Variants in ABHD2 observed in about 807,000 individuals in gnomAD.
ABHD2 encodes monoacylglycerol lipase ABHD2.
In ABHD2, 20 loss-of-function variants were observed where a neutral mutation model predicts 48.1. The observed-to-expected ratio is 0.42, with a 90% confidence interval of 0.29 to 0.60. The LOEUF (loss-of-function observed/expected upper bound fraction) is 0.60, where lower values mean the gene tolerates loss of function less well. Among genes scored for constraint, ABHD2 ranks in the 20% least tolerant of loss-of-function variants. The probability of loss-of-function intolerance (pLI) is 0.24; values close to 1 mark genes in which losing one functional copy is unlikely to be tolerated. For missense variants in ABHD2, 405 were observed against 550.9 expected, an observed-to-expected ratio of 0.74 and a Z score of 2.65; for synonymous variants, 209 against 214.2, an observed-to-expected ratio of 0.98 and a Z score of 0.21.
At chr15:89,050,231 C>A in the ABHD2 span, among the ~76,000 whole-genome samples, 30 of 152,216 alleles carry the variant, frequency 2.0e-4, no homozygotes, top group East Asian at 2.5e-3. Context: ...ACACATGAAC[C>A]CAGAGAAGGA....
chr15:89,042,503 T>G, the ABHD2 span, among the ~76,000 whole-genome samples: 2 of 152,298 alleles, frequency 1.3e-5, no homozygotes, highest in East Asian at 1.9e-4. Context: ...ACCTCCTCCA[T>G]GAAGATTTCC....
At chr15:89,078,726 TTTTTTTTTTTC>T in the ABHD2 span, among the ~76,000 whole-genome samples, 3 of 16,560 alleles carry the variant, frequency 1.8e-4, no homozygotes, top group Middle Eastern at 0.023. Context: ...CAATGTAGGC[TTTTTTTTTTTC>T]TTTTTTTTTT....
In ABHD2 at chr15:89,175,936, G is replaced by C. The variant is rs1460984155; in HGVS notation, c.663G>C (p.Gln221His). ...NIVCKYLGET[Q>H]ANQEKVLCCV... is the part of the protein sequence containing the mutation. ...TGTGCAAATACTTGGGGGAGACTCA[G>C]GCAAACCAAGAGAAGGTCCTGTGCT... The change falls in exon 6 of 11, where the codon CAG becomes CAC. Residue 221 changes from glutamine to histidine, a missense_variant. Gln to His is a conservative substitution (Grantham distance 24, BLOSUM62 0). Transcript: ENST00000352732. This position sits in a 1 kb window ranked among gnomAD's most constrained non-coding sequence, Gnocchi z 5.7. The C allele has an allele frequency of 6.2e-7, 1 of 1,613,972 alleles. No homozygotes were observed. Among genetic ancestry groups the C allele is most frequent in the Admixed American group, 1.7e-5 (1 of 59,990 alleles).
At chr15:89,089,100 T>G (rs373841569) in intron 1 of ABHD2, among the ~76,000 whole-genome samples, 1 of 152,248 alleles carries the variant, frequency 6.6e-6, no homozygotes. Context: ...CGACCGGCAC[T>G]GTTCTAGGCC....
intron 3 of ABHD2, among the ~76,000 whole-genome samples, chr15:89,144,410 G>A (rs1297429316): frequency 6.6e-6 from 1 of 152,196 alleles, no homozygotes; most frequent in African/African-American, 2.4e-5. Flanking sequence ...TGGGGTTACA[G>A]GCGTGAGCCA....
chr15:89,162,161 G>A (rs2050772378), intron 5 of ABHD2, among the ~76,000 whole-genome samples: 2 of 152,152 alleles, frequency 1.3e-5, no homozygotes, highest in African/African-American at 4.8e-5. Flanking sequence ...TTCAGCATAT[G>A]AATCTTGGGA....
chr15:89,062,959 T>C, the ABHD2 span, among the ~76,000 whole-genome samples: 8 of 151,442 alleles, frequency 5.3e-5, no homozygotes, highest in African/African-American at 1.7e-4. Flanking sequence ...CAGTCACAAT[T>C]GCTGCTGCTT....
chr15:89,194,246 C>G (rs2051355691), intron 10 of ABHD2, among the ~76,000 whole-genome samples: 1 of 152,072 alleles, frequency 6.6e-6, no homozygotes, highest in South Asian at 2.1e-4. Flanking sequence ...GCCTATAAAT[C>G]CCAGCACTTT....
intron 5 of ABHD2, among the ~76,000 whole-genome samples, chr15:89,170,711 G>A (rs745708904): frequency 9.2e-5 from 14 of 152,190 alleles, no homozygotes; most frequent in Non-Finnish European, 2.1e-4. Context: ...CTGGGTATTG[G>A]CAAACTTCAT....
intron 1 of ABHD2, among the ~76,000 whole-genome samples, chr15:89,105,834 A>AGGT (rs571152771): frequency 1.3e-4 from 19 of 151,652 alleles, no homozygotes; most frequent in Middle Eastern, 3.4e-3. Context: ...TTCTGGCTTG[A>AGGT]GGTGGTGGTG....
chr15:89,144,598 C>CA, intron 3 of ABHD2, among the ~76,000 whole-genome samples: 1 of 152,282 alleles, frequency 6.6e-6, no homozygotes, highest in African/African-American at 2.4e-5. Context: ...CAAAAGGTCA[C>CA]ATGTTGATAA....
chr15:89,103,056 A>G (rs572770379), intron 1 of ABHD2, among the ~76,000 whole-genome samples: 6 of 152,342 alleles, frequency 3.9e-5, no homozygotes, highest in Non-Finnish European at 7.3e-5. Flanking sequence ...TGAAAAAGCA[A>G]TCCACTGAGC....
rs755311584 is a variant in ABHD2, at chr15:89,177,776, C to T, written c.722+1781C>T. Among the ~76,000 whole-genome samples the T allele has an allele frequency of 6.6e-6, 1 of 152,124 alleles. No individual in the cohort carries two copies. The highest frequency in any genetic ancestry group is 1.5e-5 in the Non-Finnish European group (1 of 68,012). The stretch of plus-strand genomic sequence containing the variant: ...AGAATTAACCAAAGTCCTGTCGGGC[C>T]CAGTCACTGGGATAAGAAAGACATG... On this transcript the variant is annotated intron_variant, in intron 6 of 10. Transcript: ENST00000352732. The surrounding 1 kb of genome is among the most constrained non-coding windows in gnomAD (Gnocchi z 5.6).
At chr15:89,087,936 T>A (rs995957736), upstream of ABHD2, 2 of 152,030 alleles carry the variant, frequency 1.3e-5, no homozygotes, top group Admixed American at 1.3e-4. The surrounding 1 kb of genome is among the most constrained non-coding windows in gnomAD (Gnocchi z 5.5). Context: ...ACCTCAAATT[T>A]CACCCCTGCG....
chr15:89,158,335 C>A (rs2050707756), intron 5 of ABHD2, among the ~76,000 whole-genome samples: 1 of 152,214 alleles, frequency 6.6e-6, no homozygotes, highest in African/African-American at 2.4e-5. Flanking sequence ...TCAGAGATAG[C>A]AGAGTAACTG....
In ABHD2 at chr15:89,189,777, G is replaced by A. The variant is rs181249189; in HGVS notation, c.927-1303G>A. On this transcript the variant is annotated intron_variant, in intron 8 of 10. Transcript: ENST00000352732. The surrounding 1 kb of genome is among the most constrained non-coding windows in gnomAD (Gnocchi z 4.9). Reference sequence around the variant, plus strand: ...CAGATGAAGTGTGTGACTGTATTGCGGTGTGTGGTAAGAAAAAACAAATTA... The same window carrying A: ...CAGATGAAGTGTGTGACTGTATTGCAGTGTGTGGTAAGAAAAAACAAATTA... 1.3e-4 allele frequency among the ~76,000 whole-genome samples: 20 copies of A among 150,468 alleles called. No individual in the cohort carries two copies. The highest frequency in any genetic ancestry group is 3.4e-3 in the Middle Eastern group (1 of 294).
chr15:89,053,683 G>A, the ABHD2 span, among the ~76,000 whole-genome samples: 3 of 152,202 alleles, frequency 2.0e-5, no homozygotes, highest in Non-Finnish European at 4.4e-5. Context: ...ATGGAGACAG[G>A]CTTTGGGAGC....
In ABHD2 at chr15:89,116,799, G is replaced by A. The variant is rs1231794338; in HGVS notation, c.194+278G>A. On this transcript the variant is annotated intron_variant, in intron 3 of 10. Transcript: ENST00000352732. The surrounding 1 kb of genome is among the most constrained non-coding windows in gnomAD (Gnocchi z 4.6). ...AGAAAATAGTAGTCATTTTTAGGCA[G>A]ATATGGAAAAGTTGGACAATATTCT... 6.6e-6 allele frequency among the ~76,000 whole-genome samples: 1 copy of A among 152,202 alleles called. No homozygotes were observed. The highest frequency in any genetic ancestry group is 6.5e-5 in the Admixed American group (1 of 15,286).
At chr15:89,095,291 G>A (rs2049595659) in intron 1 of ABHD2, among the ~76,000 whole-genome samples, 1 of 152,148 alleles carries the variant, frequency 6.6e-6, no homozygotes, top group Non-Finnish European at 1.5e-5. Flanking sequence ...CTTTTTCTGG[G>A]AAATCAGGCC....
Sources: gnomAD v4.1 joint callset for allele counts (sites outside exome capture counted in the v4.1 genomes callset) on GRCh38, gnomAD v4.1.1 for gene constraint, Gnocchi (gnomAD v3.1) non-coding constraint, MANE v1.5 for transcripts, NCBI Gene and HGNC (gene_info 2026-07-23, HGNC 2026-07-21) for gene names.